The following PPP1R9A variants were observed in gnomAD, a reference collection of about 807,000 sequenced individuals.
PPP1R9A encodes protein phosphatase 1 regulatory subunit 9A, also known as neurabin-1.
PPP1R9A carries 59 observed loss-of-function variants against 141.9 expected under a neutral mutation model. That is an observed-to-expected ratio of 0.42 (90% CI 0.34 to 0.52). The LOEUF (loss-of-function observed/expected upper bound fraction) is 0.52, where lower values mean the gene tolerates loss of function less well. PPP1R9A is among the 20% of genes least tolerant of loss of function. The pLI is 0.10. For missense variants in PPP1R9A, 1,444 were observed against 1,611.9 expected (o/e 0.90, Z 1.78); for synonymous variants, 500 against 569.7 (o/e 0.88, Z 1.74).
In PPP1R9A at chr7:94,910,235, G is replaced by C; in HGVS notation, c.122G>C (p.Gly41Ala). The C allele has an allele frequency of 1.2e-6, 2 of 1,614,000 alleles. No individual in the cohort carries two copies. Among genetic ancestry groups the C allele is most frequent in the Non-Finnish European group, 1.7e-6 (2 of 1,179,998 alleles). ...KSTFDKPKSD[G>A]EQKTKEGEGS... is the part of the protein sequence containing the mutation. ...ACCTTTGACAAACCCAAGTCAGATG[G>C]GGAACAAAAAACAAAAGAAGGTGAG... The change falls in exon 2 of 20, where the codon GGG becomes GCG. Residue 41 changes from glycine (G) to alanine (A), a missense_variant. Around this residue, in one of 5 missense-constraint regions of PPP1R9A, gnomAD observed 490 missense variants for 521.1 expected, o/e 0.94. Transcript: ENST00000433360. This position sits in a 1 kb window ranked among gnomAD's most constrained non-coding sequence, Gnocchi z 4.5.
chr7:94,956,845 A>G (rs1394895220), intron 2 of PPP1R9A, among the ~76,000 whole-genome samples: 1 of 152,168 alleles, frequency 6.6e-6, no homozygotes, highest in Non-Finnish European at 1.5e-5. Flanking sequence ...TTGAATAGAA[A>G]TCAACCAGAT....
intron 2 of PPP1R9A, among the ~76,000 whole-genome samples, chr7:95,061,321 G>A (rs1812201442): frequency 6.6e-6 from 1 of 152,136 alleles, no homozygotes; most frequent in Non-Finnish European, 1.5e-5. Context: ...AAGTGAATAG[G>A]CAAAAATTTT....
intron 2 of PPP1R9A, among the ~76,000 whole-genome samples, chr7:95,016,018 A>C (rs756691183): frequency 6.6e-6 from 1 of 152,176 alleles, no homozygotes; most frequent in Non-Finnish European, 1.5e-5. Flanking sequence ...GCGCTACTGC[A>C]CTTCAGCTTG....
chr7:95,187,675 G>C (rs1188254849), intron 5 of PPP1R9A, among the ~76,000 whole-genome samples: 1 of 152,094 alleles, frequency 6.6e-6, no homozygotes. Flanking sequence ...TGCTTTTGCT[G>C]TGTCCTAGAA....
intron 4 of PPP1R9A, among the ~76,000 whole-genome samples, chr7:95,133,027 T>C (rs1220835226): frequency 6.6e-6 from 1 of 152,150 alleles, no homozygotes; most frequent in Non-Finnish European, 1.5e-5. Flanking sequence ...AAGAATTAGA[T>C]ACTCAGACAC....
Position 95,122,052 on chromosome 7 carries a change from T to C in PPP1R9A, c.1649+1220T>C, listed in dbSNP as rs945850339. 2.4e-4 allele frequency among the ~76,000 whole-genome samples: 37 copies of C among 152,354 alleles called. 1 individual carries two copies. Among genetic ancestry groups the C allele is most frequent in the African/African-American group, 8.9e-4 (37 of 41,578 alleles). On this transcript the variant is annotated intron_variant, in intron 4 of 19. Transcript: ENST00000433360. ...ATTTAATGAATAGCTTTAAATTTTT[T>C]TATGTTTAAGTATGTATCATTTGAC...
chr7:95,119,832 A>G (rs1368049573), intron 3 of PPP1R9A, among the ~76,000 whole-genome samples: 3 of 152,122 alleles, frequency 2.0e-5, no homozygotes, highest in Non-Finnish European at 4.4e-5. Flanking sequence ...AGAAGGAAAA[A>G]CAAGCTATAT....
intron 4 of PPP1R9A, among the ~76,000 whole-genome samples, chr7:95,157,989 G>A: frequency 6.6e-6 from 1 of 152,154 alleles, no homozygotes. Flanking sequence ...TAATTAGGAA[G>A]AGCAAAGGAT....
At chr7:95,030,096 C>T (rs1807451171) in intron 2 of PPP1R9A, among the ~76,000 whole-genome samples, 1 of 152,132 alleles carries the variant, frequency 6.6e-6, no homozygotes, top group Admixed American at 6.6e-5. Context: ...TTTTAAGTTT[C>T]TCTAGGGTAC....
At chr7:95,209,040 GCA>G (rs1189861535) in intron 7 of PPP1R9A, among the ~76,000 whole-genome samples, 4 of 150,994 alleles carry the variant, frequency 2.6e-5, no homozygotes, top group Admixed American at 6.6e-5. Flanking sequence ...AATCAAGGAG[GCA>G]CACACAGAGG....
intron 5 of PPP1R9A, among the ~76,000 whole-genome samples, chr7:95,164,874 G>C (rs900418836): frequency 6.8e-6 from 1 of 147,958 alleles, no homozygotes; most frequent in Admixed American, 6.9e-5. Flanking sequence ...CTTCCTACTT[G>C]ACATCTTCAT....
intron 18 of PPP1R9A, among the ~76,000 whole-genome samples, chr7:95,288,070 G>T (rs1476690521): frequency 6.6e-6 from 1 of 152,172 alleles, no homozygotes; most frequent in Non-Finnish European, 1.5e-5. Flanking sequence ...GTGAAATAAT[G>T]GTTGTGAAAC....
chr7:95,008,211 A>G (rs1305808923), intron 2 of PPP1R9A, among the ~76,000 whole-genome samples: 2 of 152,176 alleles, frequency 1.3e-5, no homozygotes, highest in Non-Finnish European at 2.9e-5. Flanking sequence ...TGAGAATCAG[A>G]TGCCTTTGGT....
At chr7:95,065,484 A>G (rs1812817417) in intron 2 of PPP1R9A, among the ~76,000 whole-genome samples, 2 of 152,164 alleles carry the variant, frequency 1.3e-5, no homozygotes, top group Admixed American at 6.5e-5. Context: ...TACTTTGGAC[A>G]ACTTTAAGTT....
chr7:95,059,107 A>G (rs1811878077), intron 2 of PPP1R9A, among the ~76,000 whole-genome samples: 2 of 152,092 alleles, frequency 1.3e-5, no homozygotes. Context: ...GGTAATTTTC[A>G]AACTTTAGTT....
chr7:95,183,871 T>C (rs748939975), intron 5 of PPP1R9A, among the ~76,000 whole-genome samples: 1 of 151,702 alleles, frequency 6.6e-6, no homozygotes, highest in Non-Finnish European at 1.5e-5. Flanking sequence ...TATTTTATTC[T>C]ATTTTATTTT....
At chr7:95,136,354 G>A (rs897203108) in intron 4 of PPP1R9A, among the ~76,000 whole-genome samples, 10 of 152,224 alleles carry the variant, frequency 6.6e-5, no homozygotes, top group African/African-American at 1.9e-4. Context: ...TACCAGGGAG[G>A]CCAAGGTGGG....
chr7:95,167,240 G>A (rs149804752), intron 5 of PPP1R9A, among the ~76,000 whole-genome samples: 26 of 152,170 alleles, frequency 1.7e-4, no homozygotes, highest in African/African-American at 4.1e-4. Flanking sequence ...GTCTTATCTC[G>A]TGAGACCCAT....
intron 2 of PPP1R9A, among the ~76,000 whole-genome samples, chr7:94,913,420 T>C (rs1791689829): frequency 6.6e-6 from 1 of 152,202 alleles, no homozygotes; most frequent in Non-Finnish European, 1.5e-5. Context: ...AATGAAACAT[T>C]ACCTACATTT....
Sources: allele counts gnomAD v4.1 joint callset (sites outside exome capture counted in the v4.1 genomes callset), GRCh38; gene constraint gnomAD v4.1.1; regional missense constraint gnomAD v4.1.1; non-coding constraint Gnocchi (gnomAD v3.1); transcripts MANE v1.5; gene names NCBI Gene and HGNC (gene_info 2026-07-23, HGNC 2026-07-21).